The following CSF2RB variants were observed in gnomAD, a reference collection of about 807,000 sequenced individuals.
CSF2RB encodes colony stimulating factor 2 receptor subunit beta.
CSF2RB carries 22 observed loss-of-function variants against 67.2 expected under a neutral mutation model. That is an observed-to-expected ratio of 0.33 (90% CI 0.23 to 0.47). CSF2RB has a LOEUF of 0.47. Among genes scored for constraint, CSF2RB ranks in the 20% least tolerant of loss-of-function variants. The pLI is 1.00. For missense variants in CSF2RB, 1,113 were observed against 1,174.5 expected, an observed-to-expected ratio of 0.95 and a Z score of 0.76; for synonymous variants, 507 against 482.9, an observed-to-expected ratio of 1.05 and a Z score of -0.65.
rs371994303 is a variant in CSF2RB at position 36,935,441 on chromosome 22, G to A, written c.1406G>A (p.Arg469Lys). 32 of 1,614,054 alleles carry A rather than the reference G, an allele frequency of 2.0e-5. No homozygotes were observed. Among genetic ancestry groups the A allele is most frequent in the Non-Finnish European group, 2.5e-5 (30 of 1,180,030 alleles). Residue 469 changes from arginine to lysine, a missense_variant and splice_region_variant, in exon 11 of 14, where the codon AGG (arginine) becomes AAG (lysine). Physicochemically the swap from Arg to Lys is conservative, Grantham distance 26. Transcript: ENST00000403662. ...CGCTTCTGTGGCATCTACGGGTACA[G>A]GTGAGGGGACTCTGTGGGGCTGGAG... Reference protein sequence around the residue: ...ALRFCGIYGYRLRRKWEEKIP... With the variant: ...ALRFCGIYGYKLRRKWEEKIP...
At chr22:36,935,714 TG>T (rs1569138849) in intron 12 of CSF2RB, 27 bp downstream of exon 12, 3 of 1,603,900 alleles carry the variant, frequency 1.9e-6, no homozygotes, top group Middle Eastern at 1.7e-4. Context: ...AGGGGCGGAG[TG>T]GGGGCTTCTC....
intron 2 of CSF2RB, 113 bp downstream of exon 2, chr22:36,922,396 C>G (rs1272747279): frequency 5.3e-6 from 5 of 949,972 alleles, no homozygotes; most frequent in South Asian, 1.4e-5. Flanking sequence ...TCCTGCTCCC[C>G]TCCCTCTGTC....
chr22:36,923,251 C>G lies in CSF2RB; in HGVS notation c.84C>G (p.Ile28Met). 1 of 1,614,194 alleles carries G rather than the reference C, an allele frequency of 6.2e-7. No individual in the cohort carries two copies. The highest frequency in any genetic ancestry group is 8.5e-7 in the Non-Finnish European group (1 of 1,180,034). ...ERSLAGAEET[I>M]PLQTLRCYND... The stretch of plus-strand genomic sequence containing the variant: ...TTCTACCCCTCTTGTCAGAAACCAT[C>G]CCGCTGCAGACCCTGCGCTGCTACA... Residue 28 changes from isoleucine to methionine, a missense_variant, in exon 3 of 14, where the codon ATC (isoleucine) becomes ATG (methionine). Physicochemically the swap from Ile to Met is conservative, Grantham distance 10. Around this residue, in one of 2 missense-constraint regions of CSF2RB, gnomAD observed 559 missense variants for 656.5 expected, o/e 0.85. Transcript: ENST00000403662.
In CSF2RB at chr22:36,930,418, G is replaced by C. The variant is rs1232276005; in HGVS notation, c.762G>C (p.Gly254=). ...QPQNLECFFD[G]AAVLSCSWEV... Reference sequence around the variant, plus strand: ...AGAACCTGGAGTGCTTCTTTGACGGGGCCGCCGTGCTCAGCTGCTCCTGGG... The same window carrying C: ...AGAACCTGGAGTGCTTCTTTGACGGCGCCGCCGTGCTCAGCTGCTCCTGGG... Residue 254 remains glycine (G), a synonymous_variant, in exon 7 of 14, where the codon GGG becomes GGC. Coordinates refer to ENST00000403662, the MANE Select transcript of CSF2RB (RefSeq NM_000395.3). 1 of 1,613,520 alleles carries C rather than the reference G, an allele frequency of 6.2e-7. No individual in the cohort carries two copies. Among genetic ancestry groups the C allele is most frequent in the Admixed American group, 1.7e-5 (1 of 59,994 alleles).
chr22:36,923,873 G>C (rs572164303), intron 3 of CSF2RB: 1 of 1,033,230 alleles, frequency 9.7e-7, no homozygotes, highest in Non-Finnish European at 1.3e-6. Flanking sequence ...CTGTGTGGAC[G>C]TGTCTGGGAG....
chr22:36,935,571 G>T, intron 11 of CSF2RB, 59 bp from the exon 12 acceptor site: 1 of 1,612,108 alleles, frequency 6.2e-7, no homozygotes, highest in African/African-American at 1.3e-5. Context: ...CTGGGCATGA[G>T]CATGGGAGCA....
At chr22:36,924,088 G>A (rs1165346429) in intron 3 of CSF2RB, among the ~76,000 whole-genome samples, 1 of 151,962 alleles carries the variant, frequency 6.6e-6, no homozygotes, top group Non-Finnish European at 1.5e-5. Context: ...CCCCAGCGTT[G>A]GGGGGCGGGG....
intron 4 of CSF2RB, among the ~76,000 whole-genome samples, chr22:36,928,615 A>G (rs1255445966): frequency 6.6e-6 from 1 of 152,150 alleles, no homozygotes; most frequent in African/African-American, 2.4e-5. Flanking sequence ...TTCATTCTGC[A>G]TTTTCTTGAA....
chr22:36,938,706 C>A lies in CSF2RB; in HGVS notation c.*204C>A. The A allele has an allele frequency of 1.7e-6, 1 of 584,588 alleles. No homozygotes were observed. Among genetic ancestry groups the A allele is most frequent in the Non-Finnish European group, 3.0e-6 (1 of 332,544 alleles). The allele number at this position is 584,588 out of a possible 1,614,324, so 36.2% of individuals were successfully genotyped here. A position where few individuals can be genotyped will look rare whatever the true frequency, so the allele number is the denominator to read the frequency against. ...GCGCTCACACAGACACACACACACA[C>A]ACGTACATGCACACATTTTTCCTGT... On this transcript the variant is annotated 3_prime_UTR_variant, in exon 14 of 14. Transcript: ENST00000403662.
At chr22:36,930,650 C>G in intron 7 of CSF2RB, 23 bp from the exon 8 acceptor site, 3 of 1,612,040 alleles carry the variant, frequency 1.9e-6, no homozygotes, top group South Asian at 1.1e-5. Flanking sequence ...TCTCCCTGCC[C>G]TCAGCTCTGC....
At position 36,938,596 on chromosome 22, in the gene CSF2RB, C is replaced by T. The variant is rs1941326886; in HGVS notation, c.*94C>T. ...TCATTTCTGCAAAGCCAAGGGGCAGCCTCCTGTCAAGGTAGCTAGAGGCCT... is the reference window on the plus strand; with the variant it reads ...TCATTTCTGCAAAGCCAAGGGGCAGTCTCCTGTCAAGGTAGCTAGAGGCCT... On this transcript the variant is annotated 3_prime_UTR_variant, in exon 14 of 14. Transcript: ENST00000403662. 11 of 1,377,238 alleles carry T rather than the reference C, an allele frequency of 8.0e-6. No homozygotes were observed. Among genetic ancestry groups the T allele is most frequent in the Non-Finnish European group, 1.1e-5 (11 of 1,023,052 alleles). The allele number at this position is 1,377,238 out of a possible 1,614,324, so 85.3% of individuals were successfully genotyped here.
chr22:36,931,050 TTTC>T (rs1941139114), intron 8 of CSF2RB, among the ~76,000 whole-genome samples: 1 of 152,222 alleles, frequency 6.6e-6, no homozygotes, highest in South Asian at 2.1e-4. Context: ...CTCTTGTCCT[TTTC>T]TTCTGCTTCC....
intron 1 of CSF2RB, among the ~76,000 whole-genome samples, chr22:36,916,831 C>T (rs1377015056): frequency 6.6e-6 from 1 of 152,084 alleles, no homozygotes; most frequent in Non-Finnish European, 1.5e-5. Flanking sequence ...TGCACTCCAG[C>T]CTGGGCAACA....
At chr22:36,927,399 C>G (rs1941040558) in intron 4 of CSF2RB, among the ~76,000 whole-genome samples, 1 of 152,078 alleles carries the variant, frequency 6.6e-6, no homozygotes, top group Admixed American at 6.5e-5. Flanking sequence ...GGCAGGGCCC[C>G]TGGGAGATCA....
At chr22:36,918,380 C>T (rs1337298796) in intron 1 of CSF2RB, among the ~76,000 whole-genome samples, 1 of 152,190 alleles carries the variant, frequency 6.6e-6, no homozygotes, top group African/African-American at 2.4e-5. Flanking sequence ...AAATCTTTAG[C>T]CAATCTGACC....
At position 36,930,428 on chromosome 22, in the gene CSF2RB, C is replaced by G. The variant is rs1380154349; in HGVS notation, c.772C>G (p.Leu258Val). 3 of 1,613,788 alleles carry G rather than the reference C, an allele frequency of 1.9e-6. No homozygotes were observed. Among genetic ancestry groups the G allele is most frequent in the Admixed American group, 1.7e-5 (1 of 60,026 alleles). ...LECFFDGAAV[L>V]SCSWEVRKEV... ...GTGCTTCTTTGACGGGGCCGCCGTG[C>G]TCAGCTGCTCCTGGGAGGTGAGGAA... The change falls in exon 7 of 14, where the codon CTC becomes GTC. Residue 258 changes from leucine to valine, a missense_variant. Around this residue, in one of 2 missense-constraint regions of CSF2RB, gnomAD observed 559 missense variants for 656.5 expected, o/e 0.85. Transcript: ENST00000403662.
intron 8 of CSF2RB, among the ~76,000 whole-genome samples, chr22:36,932,504 GCAAAAAATAAAA>G (rs1452288597): frequency 6.6e-6 from 1 of 151,272 alleles, no homozygotes; most frequent in African/African-American, 2.4e-5. Context: ...TATTTTTACT[GCAAAAAATAAAA>G]ATAAAAATAG....
Position 36,922,136 on chromosome 22 carries a change from T to G in CSF2RB, c.-72T>G. On this transcript the variant is annotated 5_prime_UTR_variant, in exon 2 of 14. An upstream open reading frame in the 5' UTR loses its in-frame stop. Transcript: ENST00000403662. Reference sequence around the variant, plus strand: ...GCAGGAACACAGGACTTCAGGACACTAAGGACCCTGTCATGCCCATGGCCA... The same window carrying G: ...GCAGGAACACAGGACTTCAGGACACGAAGGACCCTGTCATGCCCATGGCCA... 1 of 1,407,542 alleles carries G rather than the reference T, an allele frequency of 7.1e-7. No homozygotes were observed. Among genetic ancestry groups the G allele is most frequent in the Non-Finnish European group, 9.8e-7 (1 of 1,023,728 alleles). The allele number at this position is 1,407,542 out of a possible 1,614,324, so 87.2% of individuals were successfully genotyped here.
intron 10 of CSF2RB, among the ~76,000 whole-genome samples, 173 bp downstream of exon 10, chr22:36,934,167 C>T (rs894260681): frequency 6.6e-6 from 1 of 152,168 alleles, no homozygotes; most frequent in Non-Finnish European, 1.5e-5. Context: ...GAGAGCACCT[C>T]CCACCTGGTC....
Sources: gnomAD v4.1 joint callset for allele counts (sites outside exome capture counted in the v4.1 genomes callset) on GRCh38, gnomAD v4.1.1 for gene constraint, gnomAD v4.1.1 regional missense constraint, MANE v1.5 for transcripts, NCBI Gene and HGNC (gene_info 2026-07-23, HGNC 2026-07-21) for gene names.